Variants in MBTD1 observed in about 807,000 individuals in gnomAD.
The protein encoded by MBTD1 is mbt domain containing 1, also known as MBT domain-containing protein 1.
A neutral mutation model predicts 87.8 loss-of-function variants in MBTD1; 24 were observed. The observed-to-expected ratio is 0.27, with a 90% CI of 0.20 to 0.38. The LOEUF is 0.38. Among genes scored for constraint, MBTD1 ranks in the 10% least tolerant of loss-of-function variants. The probability of loss-of-function intolerance (pLI) is 1.00; values close to 1 mark genes in which losing one functional copy is unlikely to be tolerated. For missense variants in MBTD1, 436 were observed against 760.2 expected, an observed-to-expected ratio of 0.57 and a Z score of 5.02; for synonymous variants, 237 against 248.6, an observed-to-expected ratio of 0.95 and a Z score of 0.44.
intron 16 of MBTD1, among the ~76,000 whole-genome samples, chr17:51,188,446 T>G (rs373063161): frequency 6.6e-6 from 1 of 152,198 alleles, no homozygotes; most frequent in South Asian, 2.1e-4. Context: ...CAGATGATCT[T>G]AAGTTCAAAA....
At chr17:51,257,622 C>G (rs1598455810) in intron 2 of MBTD1, among the ~76,000 whole-genome samples, 1 of 152,134 alleles carries the variant, frequency 6.6e-6, no homozygotes, top group African/African-American at 2.4e-5. Flanking sequence ...AAAAATAAAA[C>G]CAGTTGTTCC....
chr17:51,247,005 G>A (rs748351474), intron 2 of MBTD1, among the ~76,000 whole-genome samples: 1 of 152,116 alleles, frequency 6.6e-6, no homozygotes, highest in South Asian at 2.1e-4. Flanking sequence ...TGGAGAAAAT[G>A]GGCATCCTTA....
At chr17:51,196,620 G>A (rs1388773064) in intron 12 of MBTD1, among the ~76,000 whole-genome samples, 1 of 151,924 alleles carries the variant, frequency 6.6e-6, no homozygotes, top group Non-Finnish European at 1.5e-5. Context: ...GGCTGGGCGT[G>A]GTAGCTCATG....
chr17:51,181,458 T>C (rs2050310530), intron 16 of MBTD1, among the ~76,000 whole-genome samples: 3 of 152,158 alleles, frequency 2.0e-5, no homozygotes, highest in Admixed American at 1.3e-4. Context: ...GGGCTGGATG[T>C]GGTAGCAGCC....
At chr17:51,260,479 G>T, upstream of MBTD1, 1 of 1,255,014 alleles carries the variant, frequency 8.0e-7, no homozygotes, top group Non-Finnish European at 1.1e-6. Context: ...GGCTGCGCAG[G>T]CTCCTTCCGG....
chr17:51,240,283 T>C (rs977292285), intron 2 of MBTD1, among the ~76,000 whole-genome samples: 12 of 152,238 alleles, frequency 7.9e-5, no homozygotes, highest in African/African-American at 2.7e-4. Context: ...AGGTACACTG[T>C]CATTAACTAA....
intron 2 of MBTD1, among the ~76,000 whole-genome samples, chr17:51,255,655 G>A (rs1443241189): frequency 1.3e-5 from 2 of 151,196 alleles, no homozygotes; most frequent in South Asian, 2.1e-4. Context: ...GAGTCCAGTG[G>A]CACAATCATG....
intron 6 of MBTD1, among the ~76,000 whole-genome samples, chr17:51,211,068 C>T (rs28792381): frequency 0.12 from 17,841 of 146,914 alleles, 1,774 homozygotes; most frequent in African/African-American, 0.28. Context: ...ACCCAGGAGG[C>T]GAAGTTTGCA....
intron 8 of MBTD1, 114 bp downstream of exon 8, chr17:51,203,677 G>T (rs1211602320): frequency 7.9e-6 from 9 of 1,138,308 alleles, no homozygotes. Context: ...GATTACAGGT[G>T]TGAGCGGCCA....
intron 1 of MBTD1, 53 bp from the exon 2 acceptor site, chr17:51,259,259 T>G (rs937939067): frequency 8.1e-7 from 1 of 1,231,676 alleles, no homozygotes; most frequent in African/African-American, 1.6e-5. Context: ...GTCACAGAAG[T>G]CCACCGACTT....
intron 5 of MBTD1, among the ~76,000 whole-genome samples, chr17:51,218,061 C>T (rs1231189708): frequency 6.6e-6 from 1 of 152,118 alleles, no homozygotes; most frequent in Non-Finnish European, 1.5e-5. Flanking sequence ...TGCCATGTAC[C>T]TCAGTGAGAT....
intron 2 of MBTD1, among the ~76,000 whole-genome samples, chr17:51,234,400 CAAAA>C (rs71149356): frequency 1.5e-5 from 1 of 68,680 alleles, no homozygotes; most frequent in Non-Finnish European, 2.7e-5. Flanking sequence ...TCCCCGTCTC[CAAAA>C]AAAAAAAAAA....
At chr17:51,227,242 CAAAAAAAA>C (rs71149355) in intron 2 of MBTD1, among the ~76,000 whole-genome samples, 3 of 115,606 alleles carry the variant, frequency 2.6e-5, no homozygotes, top group Non-Finnish European at 3.6e-5. Context: ...ACTCTGTCTC[CAAAAAAAA>C]AAAAAAAAAA....
At chr17:51,185,771 C>G (rs1021532084) in intron 16 of MBTD1, 1 of 152,116 alleles carries the variant, frequency 6.6e-6, no homozygotes, top group African/African-American at 2.4e-5. Context: ...TCTCACAATT[C>G]CAGAACTTGA....
upstream of MBTD1, chr17:51,260,743 G>C: frequency 6.3e-7 from 1 of 1,584,984 alleles, no homozygotes; most frequent in African/African-American, 1.3e-5. Flanking sequence ...CGCCGGCCCG[G>C]CCGAGCGCGG....
intron 6 of MBTD1, among the ~76,000 whole-genome samples, chr17:51,216,959 G>A (rs910523997): frequency 6.6e-6 from 1 of 152,034 alleles, no homozygotes; most frequent in African/African-American, 2.4e-5. Flanking sequence ...CCAGCATTTT[G>A]GGAGGCAAAG....
chr17:51,187,738 A>C (rs2050605504), intron 16 of MBTD1, among the ~76,000 whole-genome samples: 1 of 151,960 alleles, frequency 6.6e-6, no homozygotes, highest in Non-Finnish European at 1.5e-5. Context: ...TAATCCCACT[A>C]CTTGGGAGGC....
chr17:51,218,903 C>T, intron 5 of MBTD1, 27 bp downstream of exon 5: 2 of 1,265,118 alleles, frequency 1.6e-6, no homozygotes, highest in South Asian at 2.6e-5. Flanking sequence ...TCATATATTT[C>T]ACCTCTGTCA....
intron 2 of MBTD1, among the ~76,000 whole-genome samples, chr17:51,231,324 C>T (rs189933101): frequency 6.6e-6 from 1 of 152,144 alleles, no homozygotes; most frequent in Admixed American, 6.5e-5. Context: ...ATTATTGACC[C>T]TTAAATGTCA....
Sources: gnomAD v4.1 joint callset for allele counts (sites outside exome capture counted in the v4.1 genomes callset) on GRCh38, gnomAD v4.1.1 for gene constraint, MANE v1.5 for transcripts, NCBI Gene and HGNC (gene_info 2026-07-23, HGNC 2026-07-21) for gene names.